LRRC8C: variants seen among roughly 807,000 people sequenced by gnomAD.
The protein encoded by LRRC8C is volume-regulated anion channel subunit LRRC8C.
LRRC8C carries 20 observed loss-of-function variants against 55.3 expected under a neutral mutation model. The observed-to-expected ratio is 0.36, with a 90% CI of 0.25 to 0.53. The LOEUF (loss-of-function observed/expected upper bound fraction) is 0.53, where lower values mean the gene tolerates loss of function less well. Ranked by LOEUF, LRRC8C falls within the 20% of genes least tolerant of loss-of-function variation. The probability of loss-of-function intolerance (pLI) is 0.92; values close to 1 mark genes in which losing one functional copy is unlikely to be tolerated. For synonymous variants in LRRC8C, 376 were observed against 360.7 expected, an observed-to-expected ratio of 1.04 and a Z score of -0.48; for missense variants, 659 against 951.4, an observed-to-expected ratio of 0.69 and a Z score of 4.04.
chr1:89,686,838 A>G (rs1344883938), intron 2 of LRRC8C, among the ~76,000 whole-genome samples: 1 of 152,222 alleles, frequency 6.6e-6, no homozygotes, highest in Non-Finnish European at 1.5e-5. Flanking sequence ...AGAGCAATTG[A>G]CTGTAGTCAA....
At chr1:89,641,846 T>C (rs1335394171) in intron 1 of LRRC8C, among the ~76,000 whole-genome samples, 1 of 152,250 alleles carries the variant, frequency 6.6e-6, no homozygotes, top group East Asian at 1.9e-4. Context: ...TTTATGGTCC[T>C]GGGCTTCTAT....
chr1:89,717,428 C>G lies in LRRC8C; in HGVS notation c.*2446C>G, dbSNP rs888219709. 1 of 152,006 alleles carries G rather than the reference C, an allele frequency of 6.6e-6. No individual in the cohort carries two copies. Among genetic ancestry groups the G allele is most frequent in the African/African-American group, 2.4e-5 (1 of 41,380 alleles). 9.4% of individuals were successfully genotyped at this position (152,006 alleles called of 1,614,324 possible). On this transcript the variant is annotated 3_prime_UTR_variant, in exon 3 of 3. Transcript: ENST00000370454. ...TTTTTATCACTTGTAAAAATTTGCTCAAAATTCCAAAAAAATATTGATTTG... is the reference window on the plus strand; with the variant it reads ...TTTTTATCACTTGTAAAAATTTGCTGAAAATTCCAAAAAAATATTGATTTG...
At chr1:89,633,004 G>A (rs1227293204), upstream of LRRC8C, 1 of 152,084 alleles carries the variant, frequency 6.6e-6, no homozygotes, top group Non-Finnish European at 1.5e-5. Context: ...CGACCCCGGG[G>A]CCGGGCGCTG....
At chr1:89,703,690 A>G (rs1047029605) in intron 2 of LRRC8C, among the ~76,000 whole-genome samples, 1 of 152,108 alleles carries the variant, frequency 6.6e-6, no homozygotes, top group African/African-American at 2.4e-5. Flanking sequence ...TTAAGAAATT[A>G]TAGATAACAT....
At chr1:89,676,620 AGTGTAACCAATTT>A (rs1657554289) in intron 1 of LRRC8C, among the ~76,000 whole-genome samples, 1 of 152,180 alleles carries the variant, frequency 6.6e-6, no homozygotes, top group Non-Finnish European at 1.5e-5. Flanking sequence ...AGTCGATTTT[AGTGTAACCAATTT>A]GTATTGAGGG....
upstream of LRRC8C, chr1:89,631,566 G>C (rs988342492): frequency 1.3e-5 from 2 of 152,046 alleles, no homozygotes; most frequent in African/African-American, 4.8e-5. Flanking sequence ...GAGTATTGCT[G>C]CATCTACCCT....
At chr1:89,633,639 G>A (rs1238780630) in intron 1 of LRRC8C, among the ~76,000 whole-genome samples, 1 of 152,198 alleles carries the variant, frequency 6.6e-6, no homozygotes, top group Admixed American at 6.5e-5. Context: ...GGGGGTGGGG[G>A]GGCGGTCCGC....
chr1:89,655,969 T>C (rs140443809), intron 1 of LRRC8C, among the ~76,000 whole-genome samples: 136 of 152,310 alleles, frequency 8.9e-4, no homozygotes, highest in Non-Finnish European at 1.8e-3. Context: ...TCAAGGGGGC[T>C]GGAACATGTA....
At position 89,684,849 on chromosome 1, in the gene LRRC8C, G is replaced by A. The variant is rs553907630; in HGVS notation, c.-4-1621G>A. Among the ~76,000 whole-genome samples the A allele has an allele frequency of 7.2e-5, 11 of 152,274 alleles. No homozygotes were observed. The South Asian group carries it at 2.1e-3, about 29-fold the overall frequency. On this transcript the variant is annotated intron_variant, in intron 1 of 2. Transcript: ENST00000370454. ...GTGGGTGGTAACAGAAAAAAGTTAAGAAAAGTTGTGTTTCAGTAAAATGAG... is the reference window on the plus strand; with the variant it reads ...GTGGGTGGTAACAGAAAAAAGTTAAAAAAAGTTGTGTTTCAGTAAAATGAG...
intron 2 of LRRC8C, chr1:89,706,329 A>G (rs1658482339): frequency 2.2e-6 from 1 of 456,054 alleles, no homozygotes; most frequent in Non-Finnish European, 4.4e-6. Flanking sequence ...AAGTGGTTTT[A>G]TTTTGTTTTA....
chr1:89,669,719 C>A (rs1657365611), intron 1 of LRRC8C, among the ~76,000 whole-genome samples: 2 of 152,094 alleles, frequency 1.3e-5, no homozygotes, highest in South Asian at 4.1e-4. Flanking sequence ...GACTCAGGCA[C>A]CCTGACTTCA....
Position 89,715,348 on chromosome 1 carries a change from T to G in LRRC8C, c.*366T>G, listed in dbSNP as rs1658787928. 6.3e-6 allele frequency: 1 copy of G among 159,884 alleles called. No homozygotes were observed. The highest frequency in any genetic ancestry group is 1.4e-5 in the Non-Finnish European group (1 of 73,678). 9.9% of individuals were successfully genotyped at this position (159,884 alleles called of 1,614,324 possible). A position where few individuals can be genotyped will look rare whatever the true frequency, so the allele number is the denominator to read the frequency against. On this transcript the variant is annotated 3_prime_UTR_variant, in exon 3 of 3. Transcript: ENST00000370454. ...TTGCCAAGGCCATTTTTAACTTGTT[T>G]ACACCTGTACAGGGTTCTTATTTTT...
intron 1 of LRRC8C, among the ~76,000 whole-genome samples, chr1:89,656,502 T>G (rs1432370327): frequency 1.1e-4 from 17 of 152,190 alleles, no homozygotes; most frequent in African/African-American, 4.1e-4. Flanking sequence ...GTGGGGAATC[T>G]AGTAGAAATG....
chr1:89,684,465 G>T (rs1023318387), intron 1 of LRRC8C, among the ~76,000 whole-genome samples: 3 of 152,198 alleles, frequency 2.0e-5, no homozygotes, highest in African/African-American at 7.2e-5. Flanking sequence ...ACAGACAGTT[G>T]TTACGAGCTT....
At chr1:89,633,533 A>G (rs1389263524) in intron 1 of LRRC8C, among the ~76,000 whole-genome samples, 1 of 151,888 alleles carries the variant, frequency 6.6e-6, no homozygotes, top group Non-Finnish European at 1.5e-5. Context: ...GCCAACCCCT[A>G]CCCCACCCAA....
chr1:89,686,656 C>G (rs1486188883), intron 2 of LRRC8C, 45 bp downstream of exon 2: 2 of 1,606,486 alleles, frequency 1.2e-6, no homozygotes, highest in Admixed American at 3.3e-5. Flanking sequence ...GAGCAAAGCA[C>G]AAGTCATTGA....
chr1:89,623,437 G>C, the LRRC8C span, among the ~76,000 whole-genome samples: 4 of 152,140 alleles, frequency 2.6e-5, no homozygotes, highest in Admixed American at 2.6e-4. Flanking sequence ...AATGCCACAA[G>C]AGAGGCTGGG....
intron 2 of LRRC8C, among the ~76,000 whole-genome samples, chr1:89,703,673 G>C (rs1658394239): frequency 6.6e-6 from 1 of 151,894 alleles, no homozygotes; most frequent in African/African-American, 2.4e-5. Flanking sequence ...AATTTTAACT[G>C]TACATTTTAA....
chr1:89,715,583 G>A lies in LRRC8C; in HGVS notation c.*601G>A, dbSNP rs1208971287. 6.6e-6 allele frequency: 1 copy of A among 152,120 alleles called. No individual in the cohort carries two copies. The highest frequency in any genetic ancestry group is 2.4e-5 in the African/African-American group (1 of 41,392). The allele number at this position is 152,120 out of a possible 1,614,324, so 9.4% of individuals were successfully genotyped here. A position where few individuals can be genotyped will look rare whatever the true frequency, so the allele number is the denominator to read the frequency against. On this transcript the variant is annotated 3_prime_UTR_variant, in exon 3 of 3. Coordinates refer to ENST00000370454, the MANE Select transcript of LRRC8C (RefSeq NM_032270.5). ...TTATCCTTAGGCAAGGTTTTTGTGA[G>A]TGAAGAAAATAATCTTTAGTGGCTG...
Sources: allele counts gnomAD v4.1 joint callset (sites outside exome capture counted in the v4.1 genomes callset), GRCh38; gene constraint gnomAD v4.1.1; transcripts MANE v1.5; gene names NCBI Gene and HGNC (gene_info 2026-07-23, HGNC 2026-07-21).